The following SEC23IP variants were observed in gnomAD, a reference collection of about 807,000 sequenced individuals.
SEC23IP encodes SEC23-interacting protein.
Under a neutral mutation model 113.4 loss-of-function variants are expected in SEC23IP, and 70 were observed. The ratio of observed to expected loss-of-function variants is 0.62; its 90% CI spans 0.51 to 0.75. The LOEUF (loss-of-function observed/expected upper bound fraction) is 0.75. SEC23IP is among the 30% of genes least tolerant of loss of function. The probability of loss-of-function intolerance (pLI) is 0.00; values close to 1 mark genes in which losing one functional copy is unlikely to be tolerated. For missense variants in SEC23IP, 1,160 were observed against 1,204.9 expected (o/e 0.96, Z 0.55); for synonymous variants, 398 against 421.0 (o/e 0.95, Z 0.67).
At chr10:119,940,187 A>ATTTTT (rs11289281) in intron 18 of SEC23IP, among the ~76,000 whole-genome samples, 2 of 128,164 alleles carry the variant, frequency 1.6e-5, no homozygotes. Flanking sequence ...TGGATTGTCC[A>ATTTTT]TTTTTTTTTT....
At chr10:119,913,873 T>C (rs906636920) in intron 6 of SEC23IP, among the ~76,000 whole-genome samples, 4 of 151,626 alleles carry the variant, frequency 2.6e-5, no homozygotes, top group Non-Finnish European at 5.9e-5. Context: ...AGCAGGTGGC[T>C]GGGCCTGGTG....
chr10:119,926,262 A>G (rs754947565), intron 13 of SEC23IP, 35 bp downstream of exon 13: 5 of 1,542,290 alleles, frequency 3.2e-6, no homozygotes, highest in East Asian at 2.3e-5. Context: ...TACATAGTTC[A>G]TGTTGGAATC....
At chr10:119,933,365 C>G (rs1389084374) in intron 17 of SEC23IP, among the ~76,000 whole-genome samples, 198 bp downstream of exon 17, 1 of 152,142 alleles carries the variant, frequency 6.6e-6, no homozygotes, top group Non-Finnish European at 1.5e-5. Flanking sequence ...TGACCAAAGA[C>G]CCTTGGTTCT....
At chr10:119,911,780 T>C (rs1325157504) in intron 5 of SEC23IP, among the ~76,000 whole-genome samples, 3 of 152,162 alleles carry the variant, frequency 2.0e-5, no homozygotes, top group African/African-American at 7.2e-5. Flanking sequence ...TGGCCTATGT[T>C]ATTAGCTTTT....
chr10:119,918,550 G>A (rs2134496809), intron 10 of SEC23IP, 39 bp downstream of exon 10: 1 of 1,147,606 alleles, frequency 8.7e-7, no homozygotes, highest in East Asian at 2.3e-5. Flanking sequence ...TCGATTTAGA[G>A]TCTATGGAGC....
chr10:119,919,744 T>C (rs908148287), intron 11 of SEC23IP, 148 bp downstream of exon 11: 2 of 700,670 alleles, frequency 2.9e-6, no homozygotes, highest in Non-Finnish European at 4.2e-6. Context: ...AGAAGAATAT[T>C]TTTTTATAAT....
chr10:119,898,285 A>G (rs1209818117), intron 1 of SEC23IP, 142 bp from the exon 2 acceptor site: 8 of 1,310,406 alleles, frequency 6.1e-6, no homozygotes, highest in Non-Finnish European at 7.8e-6. Context: ...AAAAAAAGAA[A>G]AAACTGTTTT....
chr10:119,934,932 T>G (rs994835022), intron 18 of SEC23IP, among the ~76,000 whole-genome samples: 16 of 152,020 alleles, frequency 1.1e-4, no homozygotes, highest in African/African-American at 3.9e-4. Context: ...AGGTTAGGAG[T>G]TCGAGACCAG....
In SEC23IP at chr10:119,932,881, CCTGGTAGCTCCT is replaced by C. The variant is rs999964848; in HGVS notation, c.2759-122_2759-111del. The C allele has an allele frequency of 3.3e-5, 25 of 765,852 alleles. No homozygotes were observed. In the African/African-American group the frequency reaches 4.3e-4, roughly 13 times the overall value. The allele number at this position is 765,852 out of a possible 1,614,324, so 47.4% of individuals were successfully genotyped here. A position where few individuals can be genotyped will look rare whatever the true frequency, so the allele number is the denominator to read the frequency against. On this transcript the variant is annotated intron_variant, in intron 16 of 18. Coordinates refer to ENST00000369075, the MANE Select transcript of SEC23IP (RefSeq NM_007190.4). The stretch of plus-strand genomic sequence containing the variant: ...GCTCTTTGGAGGAACGGGGAGTGAG[CCTGGTAGCTCCT>C]CAGGTTGCTACATGCGTCAAGCAGT...
Position 119,925,277 on chromosome 10 carries a change from C to T in SEC23IP, c.2122-759C>T, listed in dbSNP as rs1673543012. ...TACCACAAAACCACTCTTCTGATTTCCTTCAATATGGAATAGTTCGCCTAT... is the reference window on the plus strand; with the variant it reads ...TACCACAAAACCACTCTTCTGATTTTCTTCAATATGGAATAGTTCGCCTAT... On this transcript the variant is annotated intron_variant, in intron 12 of 18. Coordinates refer to ENST00000369075, the MANE Select transcript of SEC23IP (RefSeq NM_007190.4). 2.0e-5 allele frequency among the ~76,000 whole-genome samples: 3 copies of T among 152,286 alleles called. No individual in the cohort carries two copies. The South Asian group carries it at 6.2e-4, about 32-fold the overall frequency.
intron 11 of SEC23IP, among the ~76,000 whole-genome samples, chr10:119,919,891 C>A (rs188406968): frequency 9.8e-5 from 15 of 152,292 alleles, no homozygotes; most frequent in Admixed American, 8.5e-4. Flanking sequence ...GGGCTTACTT[C>A]ATTGATTTTC....
chr10:119,912,524 A>G (rs929262990), intron 6 of SEC23IP, among the ~76,000 whole-genome samples: 15 of 152,288 alleles, frequency 9.8e-5, no homozygotes, highest in Non-Finnish European at 1.9e-4. Flanking sequence ...ATAAATGCAT[A>G]GAATGTGTAA....
chr10:119,902,555 A>G (rs1485516895), intron 2 of SEC23IP, among the ~76,000 whole-genome samples: 4 of 105,668 alleles, frequency 3.8e-5, no homozygotes, highest in African/African-American at 1.6e-4. Flanking sequence ...CAGGCATGCA[A>G]TGTGTAATCA....
chr10:119,898,463 T>G lies in SEC23IP; in HGVS notation c.200T>G (p.Leu67Arg), dbSNP rs1854358663. Reference protein sequence around the residue: ...STDVGEEDSFLGQTSIHTSAP... With the variant: ...STDVGEEDSFRGQTSIHTSAP... ...GATGTTGGTGAGGAGGACAGCTTCC[T>G]TGGTCAGACTTCTATTCACACATCT... Residue 67 changes from leucine (L) to arginine (R), a missense_variant, in exon 2 of 19, where the codon CTT becomes CGT. Leu to Arg is a moderately radical substitution (Grantham distance 102). Transcript: ENST00000369075. 5 of 1,613,932 alleles carry G rather than the reference T, an allele frequency of 3.1e-6. No homozygotes were observed. The highest frequency in any genetic ancestry group is 4.2e-6 in the Non-Finnish European group (5 of 1,179,884).
At chr10:119,927,860 G>A (rs910827189) in intron 13 of SEC23IP, among the ~76,000 whole-genome samples, 1 of 152,156 alleles carries the variant, frequency 6.6e-6, no homozygotes, top group Admixed American at 6.5e-5. Flanking sequence ...TTCCAGTTAA[G>A]TTGGTAGACA....
chr10:119,902,879 T>A lies in SEC23IP; in HGVS notation c.777T>A (p.Pro259=). 1.9e-6 allele frequency: 3 copies of A among 1,614,188 alleles called. No homozygotes were observed. The South Asian group carries it at 3.3e-5, about 18-fold the overall frequency. ...PGAPSVQVPS[P]FLLQNQYEPV... ...CTCCCTCTGTTCAAGTGCCATCTCCTTTTCTACTTCAAAACCAATATGAGC... is the reference window on the plus strand; with the variant it reads ...CTCCCTCTGTTCAAGTGCCATCTCCATTTCTACTTCAAAACCAATATGAGC... The change falls in exon 3 of 19, where the codon CCT becomes CCA. Residue 259 remains proline (P), a synonymous_variant. Transcript: ENST00000369075.
chr10:119,935,011 C>T (rs1453102494), intron 18 of SEC23IP, among the ~76,000 whole-genome samples: 1 of 152,018 alleles, frequency 6.6e-6, no homozygotes, highest in Admixed American at 6.6e-5. Context: ...GTGGCGGGTG[C>T]CTGTAGTTGG....
In SEC23IP at chr10:119,941,046, G is replaced by A. The variant is rs938071656; in HGVS notation, c.*481G>A. The A allele has an allele frequency of 1.3e-5, 2 of 152,126 alleles. No individual in the cohort carries two copies. The highest frequency in any genetic ancestry group is 4.8e-5 in the African/African-American group (2 of 41,426). The allele number at this position is 152,126 out of a possible 1,614,324, so 9.4% of individuals were successfully genotyped here. On this transcript the variant is annotated 3_prime_UTR_variant, in exon 19 of 19. Transcript: ENST00000369075. Reference sequence around the variant, plus strand: ...GTAATATGATTTTTAAGAGATTTATGTTCTACTTAAAATGTGAATTGTACT... The same window carrying A: ...GTAATATGATTTTTAAGAGATTTATATTCTACTTAAAATGTGAATTGTACT...
chr10:119,935,031 G>A (rs1855727009), intron 18 of SEC23IP, among the ~76,000 whole-genome samples: 1 of 152,162 alleles, frequency 6.6e-6, no homozygotes, highest in South Asian at 2.1e-4. Flanking sequence ...GGAAATGCAA[G>A]GCCAGAAGTG....
Sources: allele counts gnomAD v4.1 joint callset (sites outside exome capture counted in the v4.1 genomes callset), GRCh38; gene constraint gnomAD v4.1.1; transcripts MANE v1.5; gene names NCBI Gene and HGNC (gene_info 2026-07-23, HGNC 2026-07-21).